TNN: variants seen among roughly 807,000 people sequenced by gnomAD.
TNN encodes tenascin N, also known as tenascin-N.
Under a neutral mutation model 134.4 loss-of-function variants are expected in TNN, and 122 were observed. That is an observed-to-expected ratio of 0.91 (90% CI 0.78 to 1.06). The LOEUF (loss-of-function observed/expected upper bound fraction) is 1.06, where lower values mean the gene tolerates loss of function less well. TNN is among the 50% of genes least tolerant of loss of function. The pLI, the probability that TNN is intolerant of heterozygous loss-of-function variation, is 0.00. For synonymous variants in TNN, 710 were observed against 670.3 expected (o/e 1.06, Z -0.91); for missense variants, 1,739 against 1,699.4 (o/e 1.02, Z -0.41).
intron 11 of TNN, among the ~76,000 whole-genome samples, chr1:175,121,311 T>C (rs1675370341): frequency 6.6e-6 from 1 of 152,078 alleles, no homozygotes; most frequent in African/African-American, 2.4e-5. Flanking sequence ...CGGAAGAGTA[T>C]GTGTGATGTC....
At chr1:175,076,096 C>T (rs1296071027) in intron 1 of TNN, among the ~76,000 whole-genome samples, 3 of 152,164 alleles carry the variant, frequency 2.0e-5, no homozygotes, top group African/African-American at 7.2e-5. Flanking sequence ...GAGGTGAAAG[C>T]TGGGTCTCTT....
chr1:175,145,155 TG>T (rs1161818694), intron 18 of TNN, among the ~76,000 whole-genome samples: 1 of 151,950 alleles, frequency 6.6e-6, no homozygotes, highest in East Asian at 1.9e-4. Context: ...ATCATGTTGG[TG>T]GGGGGTGGTT....
At chr1:175,108,523 G>C (rs951429698) in intron 9 of TNN, among the ~76,000 whole-genome samples, 5 of 152,266 alleles carry the variant, frequency 3.3e-5, no homozygotes, top group Non-Finnish European at 7.3e-5. Context: ...TATTCGTTGG[G>C]GAGGCTCGGG....
At chr1:175,089,780 A>G (rs1002862226) in intron 6 of TNN, among the ~76,000 whole-genome samples, 4 of 152,174 alleles carry the variant, frequency 2.6e-5, no homozygotes, top group African/African-American at 9.7e-5. Context: ...CTTGTCATCA[A>G]TTTTCTCAGA....
intron 9 of TNN, among the ~76,000 whole-genome samples, chr1:175,107,559 G>A (rs964874125): frequency 4.1e-5 from 6 of 146,906 alleles, no homozygotes; most frequent in African/African-American, 1.2e-4. Context: ...CATAAAAGCA[G>A]CGTGGACCCA....
intron 7 of TNN, 71 bp from the exon 8 acceptor site, chr1:175,097,346 T>A: frequency 6.4e-7 from 1 of 1,573,198 alleles, no homozygotes. Context: ...TCACTTTGAC[T>A]GTGTTCGTGC....
chr1:175,079,518 T>C lies in TNN; in HGVS notation c.595T>C (p.Tyr199His). 6.4e-7 allele frequency: 1 copy of C among 1,562,640 alleles called. No homozygotes were observed. Among genetic ancestry groups the C allele is most frequent in the Non-Finnish European group, 8.7e-7 (1 of 1,154,712 alleles). Residue 199 changes from tyrosine to histidine, a missense_variant, in exon 3 of 19, where the codon TAC (tyrosine) becomes CAC (histidine). By Grantham distance (83) the Tyr-to-His change is moderately conservative. Coordinates refer to ENST00000239462, the MANE Select transcript of TNN (RefSeq NM_022093.2). ...GCCCTACGTGGGTGCCGACTGCGGC[T>C]ACCCGGCCTGCCCTGAGAACTGCAG... ...HEPYVGADCG[Y>H]PACPENCSGH...
intron 9 of TNN, among the ~76,000 whole-genome samples, chr1:175,112,032 A>T (rs1675041703): frequency 6.6e-6 from 1 of 152,104 alleles, no homozygotes; most frequent in African/African-American, 2.4e-5. Flanking sequence ...TACTATGTTG[A>T]ATAAGAGTGG....
intron 2 of TNN, 77 bp downstream of exon 2, chr1:175,077,904 A>T: frequency 6.9e-7 from 1 of 1,441,208 alleles, no homozygotes; most frequent in South Asian, 1.3e-5. Flanking sequence ...CACTAGCCTC[A>T]TGAGCACTTT....
At chr1:175,145,552 CA>C (rs3028580) in intron 18 of TNN, among the ~76,000 whole-genome samples, 508 of 28,890 alleles carry the variant, frequency 0.018, 3 homozygotes, top group African/African-American at 0.067. Flanking sequence ...GACCCTGTCT[CA>C]AAAAAAAAAA....
In TNN at chr1:175,123,446, T is replaced by C. The variant is rs1287429132; in HGVS notation, c.2697T>C (p.Asn899=). The change falls in exon 12 of 19, where the codon AAT becomes AAC. Residue 899 remains asparagine, a synonymous_variant. Coordinates refer to ENST00000239462, the MANE Select transcript of TNN (RefSeq NM_022093.2). The stretch of plus-strand genomic sequence containing the variant: ...TAGTGACTGACTGGGTGACGGAGAA[T>C]ATGGCCACTGTCTCCTGGGACCCGG... ...KNLVTDWVTE[N]MATVSWDPVQ... is the part of the protein sequence containing the mutation. The C allele has an allele frequency of 6.2e-7, 1 of 1,614,210 alleles. No individual in the cohort carries two copies. The highest frequency in any genetic ancestry group is 8.5e-7 in the Non-Finnish European group (1 of 1,180,042).
At chr1:175,123,279 T>G in intron 11 of TNN, 121 bp from the exon 12 acceptor site, 1 of 1,225,970 alleles carries the variant, frequency 8.2e-7, no homozygotes, top group Non-Finnish European at 1.1e-6. Context: ...TGACTCGTGT[T>G]TTAAGTGGAA....
chr1:175,077,036 C>G (rs961683193), intron 1 of TNN, among the ~76,000 whole-genome samples: 1 of 152,130 alleles, frequency 6.6e-6, no homozygotes, highest in African/African-American at 2.4e-5. Context: ...ATAATATTAG[C>G]GTTGCTGTAA....
chr1:175,085,566 T>C (rs1674305252), intron 6 of TNN, 72 bp downstream of exon 6: 1 of 1,057,992 alleles, frequency 9.5e-7, no homozygotes, highest in African/African-American at 1.6e-5. Context: ...GGCTGACTCC[T>C]CTCTGGATAA....
chr1:175,123,365 C>T (rs888871390), intron 11 of TNN, 35 bp from the exon 12 acceptor site: 1 of 1,609,304 alleles, frequency 6.2e-7, no homozygotes, highest in Non-Finnish European at 8.5e-7. Flanking sequence ...TTCCTTTGTT[C>T]TAAAGTTCAG....
At chr1:175,116,059 A>T (rs1056741538) in intron 9 of TNN, among the ~76,000 whole-genome samples, 5 of 151,534 alleles carry the variant, frequency 3.3e-5, no homozygotes, top group Non-Finnish European at 7.4e-5. Flanking sequence ...TTTTTTTTAA[A>T]TGTCGTTGTT....
chr1:175,083,429 G>A (rs777901196), intron 4 of TNN, among the ~76,000 whole-genome samples: 5 of 152,246 alleles, frequency 3.3e-5, no homozygotes, highest in South Asian at 2.1e-4. Context: ...TCTGGACTGA[G>A]TGGTTTGGGT....
In TNN at chr1:175,109,072, ATTTTTTTTTT is replaced by A. The variant is rs1160268455; in HGVS notation, c.2120-7849_2120-7840del. 4.8e-3 allele frequency among the ~76,000 whole-genome samples: 300 copies of A among 61,974 alleles called. 12 individuals carry two copies. The highest frequency in any genetic ancestry group is 0.017 in the African/African-American group (253 of 14,914). The allele number at this position is 61,974 out of a possible 152,430, so 40.7% of individuals were successfully genotyped here. ...GAATGTATTTCTTCTATCTAACTGTATTTTTTTTTTTTTTTTTTTTTTTTTTTGAGACGGA... is the reference window on the plus strand; with the variant it reads ...GAATGTATTTCTTCTATCTAACTGTATTTTTTTTTTTTTTTTTGAGACGGA... On this transcript the variant is annotated intron_variant, in intron 9 of 18. Transcript: ENST00000239462.
chr1:175,086,776 T>C lies in TNN; in HGVS notation c.1324+1282T>C, dbSNP rs1674332591. ...TTTACAAACTAGACAAGGTAGACTG[T>C]ACAGTCTGCCTGAATAGTGGACTAG... is the stretch of plus-strand genomic sequence containing the variant. On this transcript the variant is annotated intron_variant, in intron 6 of 18. Coordinates refer to ENST00000239462, the MANE Select transcript of TNN (RefSeq NM_022093.2). 2.6e-5 allele frequency among the ~76,000 whole-genome samples: 4 copies of C among 152,220 alleles called. No individual in the cohort carries two copies. The South Asian group carries it at 8.3e-4, about 32-fold the overall frequency.
Sources: gnomAD v4.1 joint callset for allele counts (sites outside exome capture counted in the v4.1 genomes callset) on GRCh38, gnomAD v4.1.1 for gene constraint, MANE v1.5 for transcripts, NCBI Gene and HGNC (gene_info 2026-07-23, HGNC 2026-07-21) for gene names.